VPS13B: variants seen among roughly 807,000 people sequenced by gnomAD.
VPS13B encodes intermembrane lipid transfer protein VPS13B.
A neutral mutation model predicts 426.4 loss-of-function variants in VPS13B; 285 were observed. That is an observed-to-expected ratio of 0.67 (90% confidence interval 0.61 to 0.74). VPS13B has a LOEUF of 0.74. VPS13B is among the 30% of genes least tolerant of loss of function. VPS13B has a pLI of 0.00. For synonymous variants in VPS13B, 1,676 were observed against 1,676.4 expected, an observed-to-expected ratio of 1.00 and a Z score of 0.01; for missense variants, 4,537 against 4,782.6, an observed-to-expected ratio of 0.95 and a Z score of 1.51.
rs572745141 is a variant in VPS13B at position 99,530,530 on chromosome 8, CT to C, written c.4745+9522del. Among the ~76,000 whole-genome samples, 16 of 150,884 alleles carry C rather than the reference CT, an allele frequency of 1.1e-4. 1 individual carries two copies. In the South Asian group the frequency reaches 3.3e-3, roughly 32 times the overall value. On this transcript the variant is annotated intron_variant, in intron 30 of 61. Coordinates refer to ENST00000357162, the MANE Select transcript of VPS13B (RefSeq NM_152564.5). Reference sequence around the variant, plus strand: ...TTGGGAGGCTGAGACAGGAGAATCGCTTGAATCTGGGAGGTGGAGGTTGCAG... The same window carrying C: ...TTGGGAGGCTGAGACAGGAGAATCGCTGAATCTGGGAGGTGGAGGTTGCAG...
At chr8:99,675,957 G>A (rs1012347050) in intron 35 of VPS13B, among the ~76,000 whole-genome samples, 4 of 151,574 alleles carry the variant, frequency 2.6e-5, no homozygotes, top group Admixed American at 6.6e-5. Context: ...TTCAGGGGTC[G>A]GTCACTAGCA....
At chr8:99,135,797 C>T (rs1588076258) in intron 11 of VPS13B, 64 bp downstream of exon 11, 1 of 1,594,212 alleles carries the variant, frequency 6.3e-7, no homozygotes, top group Admixed American at 1.7e-5. Context: ...TGTATGAATA[C>T]TTGTGATTTC....
At chr8:99,779,131 A>G (rs1563913719) in intron 42 of VPS13B, 100 bp downstream of exon 42, 2 of 1,154,532 alleles carry the variant, frequency 1.7e-6, no homozygotes, top group South Asian at 1.3e-5. Context: ...ACAAACAAAA[A>G]TGTTAGAGAA....
chr8:99,064,107 C>T (rs1052706747), intron 3 of VPS13B, among the ~76,000 whole-genome samples: 2 of 152,106 alleles, frequency 1.3e-5, no homozygotes, highest in Non-Finnish European at 2.9e-5. Flanking sequence ...TGTAGGTCAC[C>T]AACATCAAAG....
At chr8:99,182,378 G>T (rs1030378753) in intron 16 of VPS13B, among the ~76,000 whole-genome samples, 18 of 151,972 alleles carry the variant, frequency 1.2e-4, no homozygotes, top group African/African-American at 4.1e-4. Context: ...CTGGGGAGAT[G>T]GTGATTTCAG....
intron 17 of VPS13B, among the ~76,000 whole-genome samples, chr8:99,248,112 A>C (rs1817318206): frequency 6.6e-6 from 1 of 152,202 alleles, no homozygotes. Flanking sequence ...CAGTGCTCTA[A>C]CCAGATAAAG....
chr8:99,326,873 G>A (rs768292501), intron 19 of VPS13B, among the ~76,000 whole-genome samples: 17 of 152,190 alleles, frequency 1.1e-4, no homozygotes, highest in Admixed American at 3.3e-4. Flanking sequence ...GGGAGTTTGT[G>A]TTTGCCTCTG....
At chr8:99,643,089 C>T (rs1298289751) in intron 34 of VPS13B, among the ~76,000 whole-genome samples, 1 of 152,124 alleles carries the variant, frequency 6.6e-6, no homozygotes, top group African/African-American at 2.4e-5. Context: ...ACTTCCGAAG[C>T]TTTTTGCCTG....
At chr8:99,560,349 G>T (rs753165385) in intron 31 of VPS13B, among the ~76,000 whole-genome samples, 2 of 152,120 alleles carry the variant, frequency 1.3e-5, no homozygotes, top group Non-Finnish European at 2.9e-5. Flanking sequence ...CATGGTAGAC[G>T]TGTTTTCTAG....
At chr8:99,494,500 C>G (rs1205864447) in intron 25 of VPS13B, among the ~76,000 whole-genome samples, 1 of 151,874 alleles carries the variant, frequency 6.6e-6, no homozygotes, top group Non-Finnish European at 1.5e-5. Context: ...TTATTGTTTG[C>G]TTTTAATGCA....
At chr8:99,691,591 C>A (rs959577507) in intron 35 of VPS13B, among the ~76,000 whole-genome samples, 1 of 151,304 alleles carries the variant, frequency 6.6e-6, no homozygotes, top group African/African-American at 2.4e-5. Flanking sequence ...CAAAATCATG[C>A]CAAAATGTAA....
intron 16 of VPS13B, among the ~76,000 whole-genome samples, chr8:99,192,657 A>T (rs1227229079): frequency 6.6e-6 from 1 of 152,192 alleles, no homozygotes; most frequent in African/African-American, 2.4e-5. Flanking sequence ...ATATGTGTGT[A>T]TGGACATCAT....
At chr8:99,035,386 A>G (rs543783968) in intron 2 of VPS13B, among the ~76,000 whole-genome samples, 1 of 152,312 alleles carries the variant, frequency 6.6e-6, no homozygotes, top group Admixed American at 6.5e-5. Flanking sequence ...AGAGTCTGAC[A>G]ATGTTAGATA....
Position 99,523,763 on chromosome 8 carries a change from A to G in VPS13B, c.4745+2753A>G, listed in dbSNP as rs1588461343. ...CAAATAACTGGAATTCTTTCCCTAG[A>G]AAAATGGGTACAAACAAGCCCAGAC... On this transcript the variant is annotated intron_variant, in intron 30 of 61. Transcript: ENST00000357162. Among the ~76,000 whole-genome samples the G allele has an allele frequency of 2.6e-5, 4 of 152,170 alleles. No homozygotes were observed. In the South Asian group the frequency reaches 8.3e-4, roughly 32 times the overall value.
At chr8:99,793,254 CATATATATAT>C (rs779913773) in intron 43 of VPS13B, among the ~76,000 whole-genome samples, 13 of 107,028 alleles carry the variant, frequency 1.2e-4, no homozygotes, top group Non-Finnish European at 1.7e-4. Flanking sequence ...TTGCCCTCTC[CATATATATAT>C]ATATATATAT....
chr8:99,446,316 G>A (rs909273892), intron 23 of VPS13B, among the ~76,000 whole-genome samples: 4 of 151,970 alleles, frequency 2.6e-5, no homozygotes, highest in East Asian at 1.9e-4. Flanking sequence ...AGATACTGTT[G>A]TGCTGACTCT....
chr8:99,460,498 A>G (rs1306020977), intron 23 of VPS13B, among the ~76,000 whole-genome samples: 1 of 152,144 alleles, frequency 6.6e-6, no homozygotes, highest in African/African-American at 2.4e-5. Flanking sequence ...GAAATGATGA[A>G]TACTATATCT....
intron 33 of VPS13B, among the ~76,000 whole-genome samples, chr8:99,637,901 G>C (rs1290555432): frequency 6.6e-6 from 1 of 152,062 alleles, no homozygotes; most frequent in African/African-American, 2.4e-5. Flanking sequence ...ATTGGAGTTT[G>C]CCATGGAACT....
intron 33 of VPS13B, among the ~76,000 whole-genome samples, chr8:99,620,619 C>T (rs1828305671): frequency 6.6e-6 from 1 of 152,028 alleles, no homozygotes; most frequent in Non-Finnish European, 1.5e-5. Flanking sequence ...CTCAAGAGAG[C>T]TCACACCTTA....
Sources: gnomAD v4.1 joint callset for allele counts (sites outside exome capture counted in the v4.1 genomes callset) on GRCh38, gnomAD v4.1.1 for gene constraint, MANE v1.5 for transcripts, NCBI Gene and HGNC (gene_info 2026-07-23, HGNC 2026-07-21) for gene names.